The following CSGALNACT1 variants were observed in gnomAD, a reference collection of about 807,000 sequenced individuals.
The protein encoded by CSGALNACT1 is chondroitin sulfate N-acetylgalactosaminyltransferase 1.
In CSGALNACT1, 52 loss-of-function variants were observed where a neutral mutation model predicts 51.0. That is an observed-to-expected ratio of 1.02 (90% CI 0.82 to 1.29). The LOEUF (loss-of-function observed/expected upper bound fraction) is 1.29, where lower values mean the gene tolerates loss of function less well. Ranked by LOEUF, CSGALNACT1 falls within the 50% of genes most tolerant of loss-of-function variation. The probability of loss-of-function intolerance (pLI) is 0.00; values close to 1 mark genes in which losing one functional copy is unlikely to be tolerated. For synonymous variants in CSGALNACT1, 341 were observed against 254.4 expected, an observed-to-expected ratio of 1.34 and a Z score of -3.24; for missense variants, 935 against 679.2, an observed-to-expected ratio of 1.38 and a Z score of -4.19.
intron 8 of CSGALNACT1, among the ~76,000 whole-genome samples, chr8:19,408,949 A>AACACACGCACACACACACAC (rs2054968480): frequency 4.9e-5 from 7 of 142,216 alleles, no homozygotes; most frequent in Admixed American, 4.2e-4. Flanking sequence ...TAGATATGAA[A>AACACACGCACACACACACAC]ACACACACAC....
chr8:19,718,509 G>C (rs1432184742), intron 1 of CSGALNACT1, among the ~76,000 whole-genome samples: 1 of 152,170 alleles, frequency 6.6e-6, no homozygotes, highest in Non-Finnish European at 1.5e-5. Context: ...TGCAGCAAGT[G>C]AATCTGTGTT....
chr8:19,675,087 C>G (rs1680136888), intron 1 of CSGALNACT1, among the ~76,000 whole-genome samples: 3 of 152,070 alleles, frequency 2.0e-5, no homozygotes, highest in African/African-American at 7.2e-5. Context: ...GGTGAGAGGT[C>G]CAGGCAACAC....
rs113365901 is a variant in CSGALNACT1 at position 19,481,761 on chromosome 8, G to A, written c.635-23119C>T. ...CTCATGTTGCTGTGATTATACCACA[G>A]GTGACAGGACTAGAACACATCCCAG... On this transcript the variant is annotated intron_variant, in intron 4 of 9. Transcript: ENST00000454498. 2.9e-3 allele frequency among the ~76,000 whole-genome samples: 434 copies of A among 152,228 alleles called. 6 individuals are homozygous for A. The highest frequency in any genetic ancestry group is 9.9e-3 in the African/African-American group (413 of 41,546).
At chr8:19,650,833 C>A (rs1362776077) in intron 1 of CSGALNACT1, among the ~76,000 whole-genome samples, 2 of 152,172 alleles carry the variant, frequency 1.3e-5, no homozygotes, top group African/African-American at 4.8e-5. Context: ...AGAAAAGTGA[C>A]TAAAAACTAA....
At chr8:19,690,295 C>T (rs1194710854) in intron 1 of CSGALNACT1, among the ~76,000 whole-genome samples, 2 of 152,240 alleles carry the variant, frequency 1.3e-5, no homozygotes, top group Non-Finnish European at 2.9e-5. Context: ...CCAAGTAATG[C>T]TATTTTAAAA....
chr8:19,521,424 T>C (rs1225202296), intron 3 of CSGALNACT1, among the ~76,000 whole-genome samples: 1 of 152,232 alleles, frequency 6.6e-6, no homozygotes, highest in African/African-American at 2.4e-5. Context: ...GACTTACGTC[T>C]GTAATCCTAG....
At chr8:19,665,203 G>A (rs68192741) in intron 1 of CSGALNACT1, among the ~76,000 whole-genome samples, 25,121 of 151,864 alleles carry the variant, frequency 0.17, 2,238 homozygotes, top group Middle Eastern at 0.21. Context: ...TAGTGCAGAC[G>A]GTGTCGTACC....
At chr8:19,429,597 TTA>T (rs1448496727) in intron 6 of CSGALNACT1, among the ~76,000 whole-genome samples, 2 of 152,264 alleles carry the variant, frequency 1.3e-5, no homozygotes, top group Non-Finnish European at 2.9e-5. Context: ...CATTGTGTGC[TTA>T]TGTTATATTT....
At chr8:19,751,670 G>A (rs893878211) in intron 1 of CSGALNACT1, among the ~76,000 whole-genome samples, 1 of 152,138 alleles carries the variant, frequency 6.6e-6, no homozygotes, top group African/African-American at 2.4e-5. Flanking sequence ...GAGGGGCCTT[G>A]TGGGAGGTGA....
In CSGALNACT1 at chr8:19,479,569, T is replaced by C. The variant is rs1586875390; in HGVS notation, c.635-20927A>G. Among the ~76,000 whole-genome samples, 3 of 152,174 alleles carry C rather than the reference T, an allele frequency of 2.0e-5. No individual in the cohort carries two copies. The East Asian group carries it at 5.8e-4, about 29-fold the overall frequency. On this transcript the variant is annotated intron_variant, in intron 4 of 9. Coordinates refer to ENST00000454498, the Ensembl canonical transcript of CSGALNACT1. Reference sequence around the variant, plus strand: ...TGCTTATTATGTTTTAACTACAGTATTGAAGGCTTGGGGGAATTGTGATGC... The same window carrying C: ...TGCTTATTATGTTTTAACTACAGTACTGAAGGCTTGGGGGAATTGTGATGC...
chr8:19,460,888 G>T (rs760528349), intron 4 of CSGALNACT1, among the ~76,000 whole-genome samples: 2 of 152,060 alleles, frequency 1.3e-5, no homozygotes, highest in Non-Finnish European at 2.9e-5. Flanking sequence ...TCAAAGATTG[G>T]ATTTCTTTGA....
intron 3 of CSGALNACT1, among the ~76,000 whole-genome samples, chr8:19,552,841 C>A (rs2088544531): frequency 6.6e-6 from 1 of 152,146 alleles, no homozygotes; most frequent in Non-Finnish European, 1.5e-5. Context: ...CTTTCCCATT[C>A]ACCCTCCCAA....
At position 19,652,072 on chromosome 8, in the gene CSGALNACT1, C is replaced by T. The variant is rs147757087; in HGVS notation, c.-544+30401G>A. On this transcript the variant is annotated intron_variant, in intron 1 of 9. Transcript: ENST00000332246. ...AGCCTCCTGAATAGCTGGAACTACA[C>T]GTGTACACCACCACACCCAGCTAAT... Among the ~76,000 whole-genome samples the T allele has an allele frequency of 6.2e-3, 947 of 151,962 alleles. 6 individuals carry two copies. The highest frequency in any genetic ancestry group is 0.019 in the African/African-American group (775 of 41,480).
At position 19,675,323 on chromosome 8, in the gene CSGALNACT1, C is replaced by G. The variant is rs558307310; in HGVS notation, c.-544+7150G>C. ...TAATTTCCTTCCCCCACTTTCCCTG[C>G]TCCTACTTCTCTAACGGCCTTGCCC... On this transcript the variant is annotated intron_variant, in intron 1 of 9. Coordinates refer to the CSGALNACT1 transcript ENST00000332246. 3.9e-5 allele frequency among the ~76,000 whole-genome samples: 6 copies of G among 152,346 alleles called. No homozygotes were observed. In the East Asian group the frequency reaches 9.6e-4, roughly 24 times the overall value.
At chr8:19,659,979 T>A (rs772933627) in intron 1 of CSGALNACT1, among the ~76,000 whole-genome samples, 1 of 152,238 alleles carries the variant, frequency 6.6e-6, no homozygotes, top group African/African-American at 2.4e-5. Flanking sequence ...TTCTTTGTAG[T>A]AGTTCATTTA....
chr8:19,513,230 G>T (rs1033273186), intron 3 of CSGALNACT1, among the ~76,000 whole-genome samples: 13 of 151,922 alleles, frequency 8.6e-5, no homozygotes, highest in African/African-American at 3.1e-4. Flanking sequence ...GTGGGTGGTA[G>T]CACCCAGGAC....
chr8:19,468,609 C>G (rs918885816), intron 4 of CSGALNACT1, among the ~76,000 whole-genome samples: 4 of 152,132 alleles, frequency 2.6e-5, no homozygotes, highest in Admixed American at 6.5e-5. Flanking sequence ...TGACAAGAGC[C>G]TGAACTAAGA....
intron 2 of CSGALNACT1, among the ~76,000 whole-genome samples, chr8:19,598,740 CAG>C (rs933330359): frequency 6.6e-6 from 1 of 152,160 alleles, no homozygotes. Flanking sequence ...GCGCCCTGCT[CAG>C]GGGTGAGTTC....
intron 1 of CSGALNACT1, among the ~76,000 whole-genome samples, chr8:19,732,186 T>C (rs911847636): frequency 2.6e-5 from 4 of 152,222 alleles, no homozygotes; most frequent in Non-Finnish European, 4.4e-5. Flanking sequence ...TCAAATAAAC[T>C]AGCATAACGG....
Sources: allele counts gnomAD v4.1 joint callset (sites outside exome capture counted in the v4.1 genomes callset), GRCh38; gene constraint gnomAD v4.1.1; transcripts MANE v1.5; gene names NCBI Gene and HGNC (gene_info 2026-07-23, HGNC 2026-07-21).